Variants in AGPAT5 observed in about 807,000 individuals in gnomAD.
AGPAT5 encodes 1-acylglycerol-3-phosphate O-acyltransferase 5, also known as 1-acyl-sn-glycerol-3-phosphate acyltransferase epsilon.
AGPAT5 carries 46 observed loss-of-function variants against 45.6 expected under a neutral mutation model. The ratio of observed to expected loss-of-function variants is 1.01; its 90% CI spans 0.80 to 1.29. The LOEUF is 1.29. Ranked by LOEUF, AGPAT5 falls within the 50% of genes most tolerant of loss-of-function variation. The pLI is 0.00. For synonymous variants in AGPAT5, 272 were observed against 167.0 expected, an observed-to-expected ratio of 1.63 and a Z score of -4.85; for missense variants, 673 against 450.7, an observed-to-expected ratio of 1.49 and a Z score of -4.47.
rs1293147088 is a variant in AGPAT5, at chr8:6,741,752, G to A, written c.586+1G>A. 1 of 1,608,154 alleles carries A rather than the reference G, an allele frequency of 6.2e-7. No individual in the cohort carries two copies. Among genetic ancestry groups the A allele is most frequent in the Non-Finnish European group, 8.5e-7 (1 of 1,176,348 alleles). ...AGTCAGGCATTTGCTGCCCAACGTGGTAAGTAAAAATTTGAGTGTTTGAAC... is the reference window on the plus strand; with the variant it reads ...AGTCAGGCATTTGCTGCCCAACGTGATAAGTAAAAATTTGAGTGTTTGAAC... On this transcript the variant is annotated splice_donor_variant, in intron 5 of 7. Coordinates refer to ENST00000285518, the MANE Select transcript of AGPAT5 (RefSeq NM_018361.5). LOFTEE classifies it high-confidence loss of function.
chr8:6,721,643 A>C (rs1023463454), intron 1 of AGPAT5, among the ~76,000 whole-genome samples: 2 of 152,190 alleles, frequency 1.3e-5, no homozygotes, highest in East Asian at 3.8e-4. Flanking sequence ...TGAGGATTCA[A>C]ATTCAAGTCT....
chr8:6,753,763 A>G (rs1257995756), intron 6 of AGPAT5, among the ~76,000 whole-genome samples: 1 of 152,236 alleles, frequency 6.6e-6, no homozygotes, highest in Non-Finnish European at 1.5e-5. Flanking sequence ...TAAGACAAAA[A>G]TAATGAAAAA....
chr8:6,748,529 G>A (rs1801553952), intron 6 of AGPAT5, among the ~76,000 whole-genome samples: 1 of 152,174 alleles, frequency 6.6e-6, no homozygotes, highest in Non-Finnish European at 1.5e-5. Context: ...TTTGAGACAA[G>A]AGTTTCGCTC....
At chr8:6,712,447 A>G (rs991709974) in intron 1 of AGPAT5, among the ~76,000 whole-genome samples, 1 of 152,140 alleles carries the variant, frequency 6.6e-6, no homozygotes, top group African/African-American at 2.4e-5. Flanking sequence ...ACAATTAATT[A>G]TGTATGATGT....
At chr8:6,711,707 A>C (rs1250091412) in intron 1 of AGPAT5, among the ~76,000 whole-genome samples, 2 of 152,094 alleles carry the variant, frequency 1.3e-5, no homozygotes, top group Admixed American at 6.5e-5. Flanking sequence ...GTGTAGGCTC[A>C]ATTTTACTCC....
intron 4 of AGPAT5, 57 bp from the exon 5 acceptor site, chr8:6,741,604 A>T: frequency 1.6e-6 from 2 of 1,266,264 alleles, no homozygotes; most frequent in Non-Finnish European, 2.2e-6. Context: ...TTTTAGGTTA[A>T]CAATAACAAA....
Position 6,759,680 on chromosome 8 carries a change from A to G in AGPAT5, c.*2292A>G, listed in dbSNP as rs1168324443. ...ACTGTCTCTAATGGCTGTGCTGTTT[A>G]ACATTTTTTGACCCTAAAATTCACC... On this transcript the variant is annotated 3_prime_UTR_variant, in exon 8 of 8. Transcript: ENST00000285518. The G allele has an allele frequency of 6.6e-6, 1 of 152,206 alleles. No individual in the cohort carries two copies. Among genetic ancestry groups the G allele is most frequent in the Non-Finnish European group, 1.5e-5 (1 of 68,032 alleles). 9.4% of individuals were successfully genotyped at this position (152,206 alleles called of 1,614,324 possible).
At chr8:6,716,029 C>G (rs569318036) in intron 1 of AGPAT5, among the ~76,000 whole-genome samples, 30 of 152,280 alleles carry the variant, frequency 2.0e-4, no homozygotes, top group African/African-American at 6.7e-4. Flanking sequence ...CCGCCCCTCC[C>G]CACATTAGAC....
rs368467009 is a variant in AGPAT5 at position 6,730,703 on chromosome 8, C to G, written c.290-8C>G. ...CATGTACGCGCTAACTGGGTCCTGTCTCTGCAGTTGACTGGATTGTTGCTG... is the reference window on the plus strand; with the variant it reads ...CATGTACGCGCTAACTGGGTCCTGTGTCTGCAGTTGACTGGATTGTTGCTG... On this transcript the variant is annotated splice_polypyrimidine_tract_variant and splice_region_variant and intron_variant, in intron 2 of 7. Coordinates refer to ENST00000285518, the MANE Select transcript of AGPAT5 (RefSeq NM_018361.5). 136 of 1,604,830 alleles carry G rather than the reference C, an allele frequency of 8.5e-5. No homozygotes were observed. The African/African-American group carries it at 1.7e-3, about 20-fold the overall frequency.
intron 1 of AGPAT5, among the ~76,000 whole-genome samples, chr8:6,716,888 A>G (rs1282883317): frequency 6.6e-6 from 1 of 152,158 alleles, no homozygotes; most frequent in Non-Finnish European, 1.5e-5. Flanking sequence ...TACTCTAGGG[A>G]ATTCTAGTCT....
intron 4 of AGPAT5, among the ~76,000 whole-genome samples, chr8:6,733,786 C>G (rs1800947320): frequency 6.6e-6 from 1 of 152,138 alleles, no homozygotes; most frequent in African/African-American, 2.4e-5. Flanking sequence ...GTCCAGTCAC[C>G]CCAGCAATGG....
At chr8:6,751,023 A>T (rs1297713458) in intron 6 of AGPAT5, among the ~76,000 whole-genome samples, 10 of 149,592 alleles carry the variant, frequency 6.7e-5, no homozygotes, top group Admixed American at 1.3e-4. Context: ...GCTTGAAAAA[A>T]CTCTGCTTTC....
At chr8:6,729,086 T>G (rs1000597049) in intron 2 of AGPAT5, among the ~76,000 whole-genome samples, 1 of 152,168 alleles carries the variant, frequency 6.6e-6, no homozygotes, top group Non-Finnish European at 1.5e-5. Context: ...TCTTAAGTCA[T>G]CAAGAAAAAG....
At position 6,732,546 on chromosome 8, in the gene AGPAT5, A is replaced by T; in HGVS notation, c.406-15A>T. ...TTAAAAGTAAATGCTCTTTCTCCCG[A>T]TTTGATTGTGGCAGCATGGAGGAAT... On this transcript the variant is annotated splice_polypyrimidine_tract_variant and intron_variant, in intron 3 of 7. Transcript: ENST00000285518. The T allele has an allele frequency of 6.3e-7, 1 of 1,580,724 alleles. No individual in the cohort carries two copies. The highest frequency in any genetic ancestry group is 8.5e-7 in the Non-Finnish European group (1 of 1,169,722).
rs749579729 is a variant in AGPAT5, at chr8:6,747,808, G to A, written c.725G>A (p.Arg242Lys). 3.1e-6 allele frequency: 5 copies of A among 1,614,166 alleles called. No homozygotes were observed. The highest frequency in any genetic ancestry group is 2.2e-5 in the East Asian group (1 of 44,884). ...YEGKDDGGQR[R>K]ESPTMTEFLC... is the part of the protein sequence containing the mutation. ...GGGAAAGACGATGGAGGGCAGCGAA[G>A]AGAGTCACCGACCATGACGGGTAAG... Residue 242 changes from arginine to lysine, a missense_variant, in exon 6 of 8, where the codon AGA becomes AAA. Physicochemically the swap from Arg to Lys is conservative, Grantham distance 26. Transcript: ENST00000285518.
At chr8:6,741,183 T>G (rs1272084035) in intron 4 of AGPAT5, among the ~76,000 whole-genome samples, 1 of 152,174 alleles carries the variant, frequency 6.6e-6, no homozygotes, top group Non-Finnish European at 1.5e-5. Flanking sequence ...AGCTTTTGAA[T>G]GTGAACATTT....
At chr8:6,744,022 C>G (rs1205137739) in intron 5 of AGPAT5, among the ~76,000 whole-genome samples, 3 of 152,016 alleles carry the variant, frequency 2.0e-5, no homozygotes, top group Non-Finnish European at 4.4e-5. Context: ...GTAGACTTAA[C>G]TGAATAAAAA....
intron 1 of AGPAT5, among the ~76,000 whole-genome samples, chr8:6,721,246 A>G (rs1197149466): frequency 6.6e-6 from 1 of 152,248 alleles, no homozygotes; most frequent in African/African-American, 2.4e-5. Flanking sequence ...TTTCGTTGGC[A>G]TAAAAATACA....
intron 1 of AGPAT5, among the ~76,000 whole-genome samples, chr8:6,710,064 C>T (rs931204523): frequency 6.6e-6 from 1 of 152,148 alleles, no homozygotes; most frequent in African/African-American, 2.4e-5. Flanking sequence ...GTTTTTACTT[C>T]CACATCATGT....
Sources: gnomAD v4.1 joint callset for allele counts (sites outside exome capture counted in the v4.1 genomes callset) on GRCh38, gnomAD v4.1.1 for gene constraint, MANE v1.5 for transcripts, NCBI Gene and HGNC (gene_info 2026-07-23, HGNC 2026-07-21) for gene names.